The following CFAP47 variants were observed in gnomAD, a reference collection of about 807,000 sequenced individuals.
The protein encoded by CFAP47 is cilia and flagella associated protein 47.
Under a neutral mutation model 148.1 loss-of-function variants are expected in CFAP47, and 29 were observed. The observed-to-expected ratio is 0.20, with a 90% CI of 0.15 to 0.27. The LOEUF is 0.27. Among genes scored for constraint, CFAP47 ranks in the 10% least tolerant of loss-of-function variants. CFAP47 has a pLI of 1.00. For missense variants in CFAP47, 1,872 were observed against 1,697.5 expected, an observed-to-expected ratio of 1.10 and a Z score of -1.81; for synonymous variants, 664 against 577.3, an observed-to-expected ratio of 1.15 and a Z score of -2.15.
intron 55 of CFAP47, among the ~76,000 whole-genome samples, chrX:36,308,926 ATTGT>A (rs1941372003): frequency 9.0e-6 from 1 of 111,599 alleles, no homozygotes; most frequent in Non-Finnish European, 1.9e-5. Flanking sequence ...TTAAGTTCAA[ATTGT>A]TTGTGCAGAT....
chrX:36,130,508 C>T (rs1160780774), intron 33 of CFAP47, among the ~76,000 whole-genome samples: 1 of 111,104 alleles, frequency 9.0e-6, no homozygotes, highest in African/African-American at 3.3e-5. Context: ...CTATAGAGAA[C>T]AGTTTGGAGG....
rs1569329848 is a variant in CFAP47 at position 36,371,920 on chromosome X, A to ATGTGTATATACACACATGTGTATATG, written c.9185+4799_9185+4824dup. On this transcript the variant is annotated intron_variant, in intron 62 of 63. Transcript: ENST00000378653. ...CACATGTGTATATATGTGTGTATAT[A>ATGTGTATATACACACATGTGTATATG]TGTGTATATACACACATGTGTATAT... 2.8e-4 allele frequency among the ~76,000 whole-genome samples: 15 copies of ATGTGTATATACACACATGTGTATATG among 54,210 alleles called. No homozygotes were observed. The African/African-American group carries it at 3.9e-3, about 14-fold the overall frequency. 47.1% of individuals were successfully genotyped at this position (54,210 alleles called of 115,157 possible).
chrX:35,994,261 C>CA lies in CFAP47; in HGVS notation c.3099+951dup, dbSNP rs1353873045. On this transcript the variant is annotated intron_variant, in intron 18 of 63. Coordinates refer to ENST00000378653, the MANE Select transcript of CFAP47 (RefSeq NM_001304548.2). ...TGGGCAACAGAGCGAGACTCCGTCTCAAAAAAAAAAAGAAAGAAAAATATT... is the reference window on the plus strand; with the variant it reads ...TGGGCAACAGAGCGAGACTCCGTCTCAAAAAAAAAAAAGAAAGAAAAATATT... 8.7e-4 allele frequency among the ~76,000 whole-genome samples: 81 copies of CA among 92,821 alleles called. No homozygotes were observed. The East Asian group carries it at 0.013, about 15-fold the overall frequency. 80.6% of individuals were successfully genotyped at this position (92,821 alleles called of 115,157 possible). A position where few individuals can be genotyped will look rare whatever the true frequency, so the allele number is the denominator to read the frequency against.
chrX:36,024,595 G>A (rs1394920557), intron 22 of CFAP47, among the ~76,000 whole-genome samples: 2 of 111,353 alleles, frequency 1.8e-5, no homozygotes, highest in South Asian at 3.8e-4. Context: ...TTGAGGTGGC[G>A]AGGCTTGTGG....
At chrX:36,063,079 T>A (rs891988956) in intron 26 of CFAP47, among the ~76,000 whole-genome samples, 1 of 111,972 alleles carries the variant, frequency 8.9e-6, no homozygotes, top group African/African-American at 3.2e-5. Context: ...CCAGTAGAAC[T>A]ATTTTAAATC....
chrX:36,185,858 G>A lies in CFAP47; in HGVS notation c.6105-2762G>A, dbSNP rs182415384. ...AGCTCTCATGTATCTCTATTTATAA[G>A]AACACTAATTCTATTGGATCAAGGC... On this transcript the variant is annotated intron_variant, in intron 40 of 63. Coordinates refer to ENST00000378653, the MANE Select transcript of CFAP47 (RefSeq NM_001304548.2). Among the ~76,000 whole-genome samples the A allele has an allele frequency of 4.7e-3, 528 of 111,243 alleles. 1 individual carries two copies. Among genetic ancestry groups the A allele is most frequent in the African/African-American group, 0.016 (501 of 30,614 alleles).
chrX:36,248,392 A>G (rs1451744628), intron 48 of CFAP47, among the ~76,000 whole-genome samples: 6 of 104,448 alleles, frequency 5.7e-5, no homozygotes, highest in African/African-American at 2.0e-4. Flanking sequence ...AACATATTAT[A>G]TATTATATTA....
At chrX:36,256,381 T>G (rs782265880) in intron 49 of CFAP47, among the ~76,000 whole-genome samples, 3 of 112,083 alleles carry the variant, frequency 2.7e-5, no homozygotes, top group Non-Finnish European at 5.6e-5. Context: ...AAGATGCATG[T>G]TCACAACATA....
intron 55 of CFAP47, 82 bp downstream of exon 55, chrX:36,306,958 C>A: frequency 2.4e-6 from 1 of 411,092 alleles, no homozygotes; most frequent in Non-Finnish European, 3.8e-6. Flanking sequence ...ATCATTCACT[C>A]AATTATCATA....
At chrX:35,992,062 T>G in intron 17 of CFAP47, 119 bp downstream of exon 17, 1 of 276,405 alleles carries the variant, frequency 3.6e-6, no homozygotes, top group Non-Finnish European at 6.4e-6. Context: ...TAAATTTACC[T>G]GAGTATAGTT....
At chrX:36,122,750 G>T (rs775682755) in intron 33 of CFAP47, among the ~76,000 whole-genome samples, 5 of 111,266 alleles carry the variant, frequency 4.5e-5, no homozygotes, top group African/African-American at 6.5e-5. Flanking sequence ...CATCTATTTT[G>T]AATTCTCTGT....
chrX:36,353,589 C>T lies in CFAP47; in HGVS notation c.8759C>T (p.Ala2920Val). The T allele has an allele frequency of 6.9e-6, 8 of 1,161,808 alleles. No individual in the cohort carries two copies. Among genetic ancestry groups the T allele is most frequent in the Non-Finnish European group, 9.2e-6 (8 of 868,039 alleles). ...GAGAAGGTAGAAATCATACTGAATG[C>T]TGGTTTTTTCGGATTTAGTCTTACT... Reference protein sequence around the residue: ...AEEKVEIILNAGFFGFSLTPD... With the variant: ...AEEKVEIILNVGFFGFSLTPD... The change falls in exon 60 of 64, where the codon GCT becomes GTT. Residue 2920 changes from alanine (A) to valine (V), a missense_variant. Physicochemically the swap from Ala to Val is moderately conservative, Grantham distance 64. Transcript: ENST00000378653.
At chrX:36,287,313 T>C (rs182746525) in intron 51 of CFAP47, among the ~76,000 whole-genome samples, 85 of 111,670 alleles carry the variant, frequency 7.6e-4, no homozygotes, top group African/African-American at 2.5e-3. Flanking sequence ...TAATCCTAAT[T>C]CAGTTTGTAC....
At chrX:36,335,050 T>G (rs1331381463) in intron 57 of CFAP47, among the ~76,000 whole-genome samples, 1 of 111,104 alleles carries the variant, frequency 9.0e-6, no homozygotes, top group Non-Finnish European at 1.9e-5. Context: ...CCCACAAACA[T>G]TTTAAAATTT....
intron 45 of CFAP47, among the ~76,000 whole-genome samples, chrX:36,205,687 T>C (rs1440659118): frequency 1.8e-5 from 2 of 112,034 alleles, no homozygotes; most frequent in African/African-American, 3.2e-5. Flanking sequence ...ATACTAGCAT[T>C]ACTAAATACA....
At chrX:36,082,017 C>G (rs1937992057) in intron 29 of CFAP47, among the ~76,000 whole-genome samples, 1 of 111,498 alleles carries the variant, frequency 9.0e-6, no homozygotes, top group Non-Finnish European at 1.9e-5. Flanking sequence ...CAAAAGGCAT[C>G]CAAATAAAAG....
chrX:36,270,500 T>A (rs912470324), intron 49 of CFAP47, among the ~76,000 whole-genome samples: 1 of 105,619 alleles, frequency 9.5e-6, no homozygotes, highest in Admixed American at 1.1e-4. Flanking sequence ...TACTTATTGC[T>A]CCCCCATTGG....
intron 46 of CFAP47, among the ~76,000 whole-genome samples, chrX:36,230,713 A>G (rs1263644484): frequency 1.4e-4 from 15 of 109,080 alleles, no homozygotes; most frequent in Non-Finnish European, 2.7e-4. Context: ...GGTAATGCCT[A>G]GGTTTTCTTC....
chrX:36,259,647 G>A (rs992749537), intron 49 of CFAP47, among the ~76,000 whole-genome samples: 12 of 111,238 alleles, frequency 1.1e-4, no homozygotes, highest in African/African-American at 3.9e-4. Context: ...TGGGAAGTTT[G>A]ACTCCAAAGT....
Sources: gnomAD v4.1 joint callset for allele counts (sites outside exome capture counted in the v4.1 genomes callset) on GRCh38, gnomAD v4.1.1 for gene constraint, MANE v1.5 for transcripts, NCBI Gene and HGNC (gene_info 2026-07-23, HGNC 2026-07-21) for gene names.